The following LMTK2 variants were observed in gnomAD, a reference collection of about 807,000 sequenced individuals.
The protein encoded by LMTK2 is lemur tail kinase 2.
Under a neutral mutation model 127.5 loss-of-function variants are expected in LMTK2, and 37 were observed. The ratio of observed to expected loss-of-function variants is 0.29; its 90% confidence interval spans 0.22 to 0.38. The LOEUF is 0.38. LMTK2 is among the 10% of genes least tolerant of loss of function. LMTK2 has a pLI of 1.00. For synonymous variants in LMTK2, 819 were observed against 810.1 expected, an observed-to-expected ratio of 1.01 and a Z score of -0.19; for missense variants, 1,694 against 1,920.3, an observed-to-expected ratio of 0.88 and a Z score of 2.20.
rs750832828 is a variant in LMTK2 at position 98,193,298 on chromosome 7, G to C, written c.2833G>C (p.Glu945Gln). 7.4e-6 allele frequency: 12 copies of C among 1,613,852 alleles called. No individual in the cohort carries two copies. The highest frequency in any genetic ancestry group is 3.3e-5 in the Admixed American group (2 of 60,000). ...TCATCGCCGGCTAGAGAAAAACTTA[G>C]AGGCTGTGGAGACTTTAAATCAGCT... ...HSHRRLEKNL[E>Q]AVETLNQLNS... Residue 945 changes from glutamate (E) to glutamine (Q), a missense_variant, in exon 11 of 14, where the codon GAG (glutamate) becomes CAG (glutamine). By Grantham distance (29) the Glu-to-Gln change is conservative. This residue lies in a region of LMTK2 where 527 missense variants were observed against 539.8 expected (regional missense o/e 0.98). Coordinates refer to ENST00000297293, the MANE Select transcript of LMTK2 (RefSeq NM_014916.4). The surrounding 1 kb of genome is among the most constrained non-coding windows in gnomAD (Gnocchi z 4.1).
chr7:98,184,737 A>AAAAAG (rs948631420), intron 7 of LMTK2, among the ~76,000 whole-genome samples: 5 of 152,322 alleles, frequency 3.3e-5, no homozygotes, highest in East Asian at 1.9e-4. Flanking sequence ...AATGAGAAAA[A>AAAAAG]AAAAGAAAAG....
chr7:98,176,829 A>C (rs1797284965), intron 7 of LMTK2, among the ~76,000 whole-genome samples: 1 of 152,244 alleles, frequency 6.6e-6, no homozygotes, highest in African/African-American at 2.4e-5. Context: ...CCTGCATGAC[A>C]GAGCGAGACT....
At chr7:98,159,446 C>G (rs549540992) in intron 6 of LMTK2, 21 bp downstream of exon 6, 12 of 1,502,294 alleles carry the variant, frequency 8.0e-6, no homozygotes, top group Middle Eastern at 1.7e-4. Context: ...TGAAGGAATT[C>G]AAGTTCGAGT....
At chr7:98,120,544 T>C (rs1414549397) in intron 1 of LMTK2, among the ~76,000 whole-genome samples, 1 of 152,242 alleles carries the variant, frequency 6.6e-6, no homozygotes, top group Admixed American at 6.5e-5. Context: ...TGTGATCTAT[T>C]GGTGGCCTCT....
chr7:98,188,009 A>G (rs11763970), intron 9 of LMTK2, among the ~76,000 whole-genome samples: 56,962 of 152,070 alleles, frequency 0.37, 13,497 homozygotes, highest in Middle Eastern at 0.62. Flanking sequence ...GGGAACATTC[A>G]AAAGCCGCTC....
At chr7:98,177,551 G>C (rs1562915692) in intron 7 of LMTK2, among the ~76,000 whole-genome samples, 1 of 152,198 alleles carries the variant, frequency 6.6e-6, no homozygotes, top group Non-Finnish European at 1.5e-5. Context: ...GCTTGAGTGA[G>C]TGCAGTGGCA....
chr7:98,112,610 A>G (rs1426064378), intron 1 of LMTK2, among the ~76,000 whole-genome samples: 1 of 152,228 alleles, frequency 6.6e-6, no homozygotes, highest in Non-Finnish European at 1.5e-5. Flanking sequence ...TCTGTGGGAC[A>G]GGGCTGGTGT....
At chr7:98,140,080 T>A (rs1268062756) in intron 2 of LMTK2, among the ~76,000 whole-genome samples, 2 of 3,114 alleles carry the variant, frequency 6.4e-4, no homozygotes, top group African/African-American at 5.6e-4. Context: ...TTCCACAACT[T>A]TCTTTCTTTC....
chr7:98,140,133 T>TC (rs1419844728), intron 2 of LMTK2, among the ~76,000 whole-genome samples: 1,143 of 4,746 alleles, frequency 0.24, no homozygotes, highest in Non-Finnish European at 0.3. Context: ...TTTCTTTCTT[T>TC]CTTTCTTTCT....
chr7:98,118,988 A>C (rs1173545561), intron 1 of LMTK2, among the ~76,000 whole-genome samples: 1 of 151,468 alleles, frequency 6.6e-6, no homozygotes, highest in Non-Finnish European at 1.5e-5. Context: ...GCTACTCAGG[A>C]GGCTGAGGCA....
At position 98,197,547 on chromosome 7, in the gene LMTK2, G is replaced by A. The variant is rs116835224; in HGVS notation, c.4107+2975G>A. Among the ~76,000 whole-genome samples the A allele has an allele frequency of 1.7e-3, 263 of 152,262 alleles. 2 individuals are homozygous for A. The highest frequency in any genetic ancestry group is 5.9e-3 in the African/African-American group (246 of 41,566). ...GACAGGGTTCCCTCCAGCCTGATCC[G>A]TCATACTGTAAACAAGCACTGAAGG... On this transcript the variant is annotated intron_variant, in intron 11 of 13. Transcript: ENST00000297293.
At chr7:98,174,804 G>A (rs752277008) in intron 7 of LMTK2, among the ~76,000 whole-genome samples, 7 of 152,212 alleles carry the variant, frequency 4.6e-5, no homozygotes, top group Non-Finnish European at 1.0e-4. Context: ...TCAATGACAA[G>A]GTGAGAGGTA....
intron 9 of LMTK2, among the ~76,000 whole-genome samples, chr7:98,189,442 G>T (rs967117280): frequency 1.3e-5 from 2 of 152,118 alleles, no homozygotes; most frequent in African/African-American, 2.4e-5. Context: ...GGGGCGTGTC[G>T]TGGAGGGTTA....
chr7:98,169,500 G>T (rs912448306), intron 6 of LMTK2, among the ~76,000 whole-genome samples: 6 of 152,254 alleles, frequency 3.9e-5, no homozygotes, highest in African/African-American at 1.4e-4. Flanking sequence ...GGATTGGCCA[G>T]ATTCAGCCCA....
intron 6 of LMTK2, among the ~76,000 whole-genome samples, chr7:98,160,772 C>T (rs1300316313): frequency 6.6e-6 from 1 of 152,292 alleles, no homozygotes; most frequent in East Asian, 1.9e-4. Flanking sequence ...TTTTGATGCC[C>T]TGTTATGTAG....
intron 1 of LMTK2, among the ~76,000 whole-genome samples, chr7:98,136,841 A>G (rs1198431327): frequency 6.6e-6 from 1 of 152,218 alleles, no homozygotes; most frequent in African/African-American, 2.4e-5. Context: ...AAGTGTCAAG[A>G]GTTATGAAAT....
chr7:98,152,776 G>A (rs963365118), intron 4 of LMTK2, among the ~76,000 whole-genome samples: 1 of 152,148 alleles, frequency 6.6e-6, no homozygotes, highest in Admixed American at 6.5e-5. Flanking sequence ...CTTTTTAAAA[G>A]GATCACTCTG....
At chr7:98,198,096 G>T in intron 11 of LMTK2, among the ~76,000 whole-genome samples, 1 of 150,970 alleles carries the variant, frequency 6.6e-6, no homozygotes, top group East Asian at 1.9e-4. Flanking sequence ...CTCTTTCGTT[G>T]ATTTCTGCTT....
chr7:98,182,681 T>C (rs1242625785), intron 7 of LMTK2, among the ~76,000 whole-genome samples: 1 of 152,192 alleles, frequency 6.6e-6, no homozygotes, highest in Non-Finnish European at 1.5e-5. Context: ...TGGTGGCTCC[T>C]CATAAATATT....
Sources: allele counts gnomAD v4.1 joint callset (sites outside exome capture counted in the v4.1 genomes callset), GRCh38; gene constraint gnomAD v4.1.1; regional missense constraint gnomAD v4.1.1; non-coding constraint Gnocchi (gnomAD v3.1); transcripts MANE v1.5; gene names NCBI Gene and HGNC (gene_info 2026-07-23, HGNC 2026-07-21).